Variants in MRPS23 observed in about 807,000 individuals in gnomAD.
MRPS23 encodes the protein small ribosomal subunit protein mS23.
In MRPS23, 14 loss-of-function variants were observed where a neutral mutation model predicts 19.8. The ratio of observed to expected loss-of-function variants is 0.71; its 90% confidence interval spans 0.47 to 1.11. The LOEUF (loss-of-function observed/expected upper bound fraction) is 1.11. Among genes scored for constraint, MRPS23 ranks in the 50% least tolerant of loss-of-function variants. MRPS23 has a pLI of 0.00. For missense variants in MRPS23, 242 were observed against 236.7 expected (o/e 1.02, Z -0.15); for synonymous variants, 113 against 89.7 (o/e 1.26, Z -1.47).
At chr17:57,844,739 C>T (rs1165587196) in intron 2 of MRPS23, among the ~76,000 whole-genome samples, 2 of 143,786 alleles carry the variant, frequency 1.4e-5, no homozygotes, top group African/African-American at 5.2e-5. Context: ...CACTGCACTC[C>T]AGCCTGGGAG....
At position 57,840,110 on chromosome 17, in the gene MRPS23, G is replaced by A. The variant is rs537159668; in HGVS notation, c.421-175C>T. ...ATGATTTTAAAAAGTCTATAGGGCC[G>A]GGCGTGGTGGCTCACGCCTGTAATC... On this transcript the variant is annotated intron_variant, in intron 4 of 4. Coordinates refer to ENST00000313608, the MANE Select transcript of MRPS23 (RefSeq NM_016070.4). Among the ~76,000 whole-genome samples the A allele has an allele frequency of 2.6e-5, 4 of 152,288 alleles. No individual in the cohort carries two copies. In the South Asian group the frequency reaches 6.2e-4, roughly 24 times the overall value.
intron 4 of MRPS23, 30 bp downstream of exon 4, chr17:57,840,896 C>T (rs947395716): frequency 6.2e-7 from 1 of 1,612,150 alleles, no homozygotes; most frequent in East Asian, 2.2e-5. Context: ...ACTATAAACC[C>T]AGTAACAATT....
chr17:57,836,915 G>A lies in MRPS23; in HGVS notation c.*2868C>T, dbSNP rs1039420655. ...GCTGGTCTCGAACTCCTGACCTCAGGTGATCCGCCCACCTTGGCCTCCCAA... is the reference window on the plus strand; with the variant it reads ...GCTGGTCTCGAACTCCTGACCTCAGATGATCCGCCCACCTTGGCCTCCCAA... On this transcript the variant is annotated 3_prime_UTR_variant, in exon 5 of 5. Coordinates refer to ENST00000313608, the MANE Select transcript of MRPS23 (RefSeq NM_016070.4). The A allele has an allele frequency of 1.3e-5, 2 of 152,204 alleles. No homozygotes were observed. The highest frequency in any genetic ancestry group is 4.8e-5 in the African/African-American group (2 of 41,448). The allele number at this position is 152,204 out of a possible 1,614,324, so 9.4% of individuals were successfully genotyped here.
Position 57,849,345 on chromosome 17 carries a change from G to A in MRPS23, c.110C>T (p.Ala37Val). The A allele has an allele frequency of 6.2e-7, 1 of 1,614,206 alleles. No homozygotes were observed. The highest frequency in any genetic ancestry group is 8.5e-7 in the Non-Finnish European group (1 of 1,180,042). ...GACGGGCTCCCTCAGCGGGGGAAAG[G>A]CGTCATATACGTCAAACCACAGGGG... ...EKPLWFDVYD[A>V]FPPLREPVFQ... The change falls in exon 2 of 5, where the codon GCC becomes GTC. Residue 37 changes from alanine (A) to valine (V), a missense_variant. Transcript: ENST00000313608.
intron 2 of MRPS23, among the ~76,000 whole-genome samples, chr17:57,842,815 G>C (rs1022845987): frequency 6.7e-6 from 1 of 148,970 alleles, no homozygotes; most frequent in African/African-American, 2.5e-5. Context: ...TTGAGGCCAG[G>C]AGCTCACCAC....
At chr17:57,840,158 C>T (rs1325900004) in intron 4 of MRPS23, among the ~76,000 whole-genome samples, 3 of 152,148 alleles carry the variant, frequency 2.0e-5, no homozygotes, top group South Asian at 2.1e-4. Flanking sequence ...GAGGCTGAGG[C>T]GGGCGGATCA....
rs1007883179 is a variant in MRPS23, at chr17:57,838,089, G to A, written c.*1694C>T. 6.6e-6 allele frequency: 1 copy of A among 151,906 alleles called. No homozygotes were observed. Among genetic ancestry groups the A allele is most frequent in the African/African-American group, 2.4e-5 (1 of 41,338 alleles). 9.4% of individuals were successfully genotyped at this position (151,906 alleles called of 1,614,324 possible). A position where few individuals can be genotyped will look rare whatever the true frequency, so the allele number is the denominator to read the frequency against. On this transcript the variant is annotated 3_prime_UTR_variant, in exon 5 of 5. Transcript: ENST00000313608. ...GGATCACTTGAGGCCAGCAGTTTGA[G>A]ATCAGCCTGGGCAACATGGTTAAAA...
intron 1 of MRPS23, 130 bp downstream of exon 1, chr17:57,849,837 A>T (rs968383397): frequency 9.1e-7 from 1 of 1,092,988 alleles, no homozygotes; most frequent in African/African-American, 1.6e-5. Context: ...AGAGGGCCTC[A>T]CCCAGCTCAG....
chr17:57,844,037 T>C (rs1192719689), intron 2 of MRPS23, among the ~76,000 whole-genome samples: 4 of 152,126 alleles, frequency 2.6e-5, no homozygotes, highest in Non-Finnish European at 5.9e-5. Flanking sequence ...CCATGTTTTC[T>C]TCCAGTACTG....
chr17:57,840,038 T>G (rs1274378226), intron 4 of MRPS23, 103 bp from the exon 5 acceptor site: 9 of 1,324,028 alleles, frequency 6.8e-6, no homozygotes, highest in Non-Finnish European at 8.4e-6. Context: ...AGTGAAAAAT[T>G]TAGCACTAAT....
intron 2 of MRPS23, among the ~76,000 whole-genome samples, chr17:57,846,965 A>T (rs984777240): frequency 6.6e-6 from 1 of 151,574 alleles, no homozygotes; most frequent in Non-Finnish European, 1.5e-5. Context: ...AAAAAATAAA[A>T]AAAAGAAAAA....
At chr17:57,843,221 A>AGCCAT in intron 2 of MRPS23, among the ~76,000 whole-genome samples, 1 of 151,864 alleles carries the variant, frequency 6.6e-6, no homozygotes, top group African/African-American at 2.4e-5. Context: ...GGCTGCAGTA[A>AGCCAT]GCCATGATAG....
chr17:57,849,149 T>C, intron 2 of MRPS23, 91 bp downstream of exon 2: 2 of 1,518,860 alleles, frequency 1.3e-6, no homozygotes, highest in South Asian at 1.3e-5. Context: ...AACCCCTGAC[T>C]CAATTTCATG....
At chr17:57,842,325 T>C (rs2073744670) in intron 2 of MRPS23, among the ~76,000 whole-genome samples, 2 of 152,202 alleles carry the variant, frequency 1.3e-5, no homozygotes, top group African/African-American at 4.8e-5. Flanking sequence ...ACATTTAACA[T>C]TTTTCAGTGT....
Position 57,849,249 on chromosome 17 carries a change from C to T in MRPS23, c.206G>A (p.Arg69Gln). The T allele has an allele frequency of 6.2e-7, 1 of 1,614,178 alleles. No individual in the cohort carries two copies. The highest frequency in any genetic ancestry group is 8.5e-7 in the Non-Finnish European group (1 of 1,180,018). Residue 69 changes from arginine (R) to glutamine (Q), a missense_variant, in exon 2 of 5, where the codon CGG becomes CAG. Physicochemically the swap from Arg to Gln is conservative, Grantham distance 43 (BLOSUM62 1). Transcript: ENST00000313608. ...AGGGCTGAGCACTCACGCTCTAATC[C>T]GATCCTCGTGGTACCAGATGTCTTG... ...PIQDIWYHED[R>Q]IRAKFYSVYG...
intron 1 of MRPS23, chr17:57,849,706 C>G: frequency 1.7e-6 from 1 of 602,122 alleles, no homozygotes; most frequent in Non-Finnish European, 2.9e-6. Flanking sequence ...GGCTCTTCCT[C>G]CCTTCCTCTT....
chr17:57,836,468 G>A lies in MRPS23; in HGVS notation c.*3315C>T, dbSNP rs2073706542. On this transcript the variant is annotated 3_prime_UTR_variant, in exon 5 of 5. Coordinates refer to ENST00000313608, the MANE Select transcript of MRPS23 (RefSeq NM_016070.4). Reference sequence around the variant, plus strand: ...GGTTCAATTCCTACAGACCATGGTAGAAGGGAGGGTGTTCCTGCCCAAAGA... The same window carrying A: ...GGTTCAATTCCTACAGACCATGGTAAAAGGGAGGGTGTTCCTGCCCAAAGA... The A allele has an allele frequency of 6.6e-6, 1 of 152,186 alleles. No individual in the cohort carries two copies. The highest frequency in any genetic ancestry group is 1.5e-5 in the Non-Finnish European group (1 of 68,034). 9.4% of individuals were successfully genotyped at this position (152,186 alleles called of 1,614,324 possible).
chr17:57,842,887 T>TACACAC (rs1209375203), intron 2 of MRPS23, among the ~76,000 whole-genome samples: 11 of 97,534 alleles, frequency 1.1e-4, no homozygotes, highest in African/African-American at 3.8e-4. Context: ...AAAATATATA[T>TACACAC]ATATACACAC....
In MRPS23 at chr17:57,849,283, C is replaced by A; in HGVS notation, c.172G>T (p.Ala58Ser). Residue 58 changes from alanine to serine, a missense_variant, in exon 2 of 5, where the codon GCT (alanine) becomes TCT (serine). Coordinates refer to ENST00000313608, the MANE Select transcript of MRPS23 (RefSeq NM_016070.4). Reference sequence around the variant, plus strand: ...TGGTACCAGATGTCTTGGATGGGAGCTTTGGCTTTGCCATATCGCACTCGA... The same window carrying A: ...TGGTACCAGATGTCTTGGATGGGAGATTTGGCTTTGCCATATCGCACTCGA... ...RPRVRYGKAK[A>S]PIQDIWYHED... 1 of 1,614,218 alleles carries A rather than the reference C, an allele frequency of 6.2e-7. No homozygotes were observed. The highest frequency in any genetic ancestry group is 1.1e-5 in the South Asian group (1 of 91,078).
Sources: gnomAD v4.1 joint callset for allele counts (sites outside exome capture counted in the v4.1 genomes callset) on GRCh38, gnomAD v4.1.1 for gene constraint, MANE v1.5 for transcripts, NCBI Gene and HGNC (gene_info 2026-07-23, HGNC 2026-07-21) for gene names.